The following KSR2 variants were observed in gnomAD, a reference collection of about 807,000 sequenced individuals.
KSR2 encodes the protein kinase suppressor of ras 2.
KSR2 carries 25 observed loss-of-function variants against 107.8 expected under a neutral mutation model. That is an observed-to-expected ratio of 0.23 (90% CI 0.17 to 0.32). The LOEUF is 0.32. Among genes scored for constraint, KSR2 ranks in the 10% least tolerant of loss-of-function variants. The pLI, the probability that KSR2 is intolerant of heterozygous loss-of-function variation, is 1.00. For synonymous variants in KSR2, 480 were observed against 507.0 expected, an observed-to-expected ratio of 0.95 and a Z score of 0.71; for missense variants, 887 against 1,268.9, an observed-to-expected ratio of 0.70 and a Z score of 4.57.
rs137966968 is a variant in KSR2, at chr12:117,861,176, G to A, written c.181-745C>T. Among the ~76,000 whole-genome samples the A allele has an allele frequency of 5.5e-4, 83 of 152,168 alleles. No homozygotes were observed. The East Asian group carries it at 0.015, about 28-fold the overall frequency. On this transcript the variant is annotated intron_variant, in intron 1 of 19. Transcript: ENST00000339824. ...CTGAGAGTCCATCAGTAGGAGACTCGTTACATAAAGGATGCTACAGCCAAC... is the reference window on the plus strand; with the variant it reads ...CTGAGAGTCCATCAGTAGGAGACTCATTACATAAAGGATGCTACAGCCAAC...
At chr12:117,520,916 TA>T (rs1874718416) in intron 14 of KSR2, among the ~76,000 whole-genome samples, 1 of 152,012 alleles carries the variant, frequency 6.6e-6, no homozygotes, top group South Asian at 2.1e-4. Flanking sequence ...ATCTAGTGAG[TA>T]GAGGCCAGGG....
intron 3 of KSR2, among the ~76,000 whole-genome samples, chr12:117,785,350 G>A (rs1474289631): frequency 7.1e-6 from 1 of 141,758 alleles, no homozygotes; most frequent in Non-Finnish European, 1.5e-5. Flanking sequence ...GGGAGGTGAA[G>A]GTTGCAGTGA....
intron 1 of KSR2, among the ~76,000 whole-genome samples, chr12:117,957,613 G>T (rs1364509780): frequency 2.0e-5 from 3 of 152,164 alleles, no homozygotes; most frequent in Non-Finnish European, 2.9e-5. Flanking sequence ...TTCTCTGGGG[G>T]TGGAAAGACT....
At position 117,488,289 on chromosome 12, in the gene KSR2, C is replaced by T. The variant is rs191210998; in HGVS notation, c.2220-2598G>A. On this transcript the variant is annotated intron_variant, in intron 14 of 19. Transcript: ENST00000339824. ...CGGACTAATACAAATCCACAACCAG[C>T]GATTCTTCCTCTAAGTAAGTACCCA... Among the ~76,000 whole-genome samples, 69 of 152,284 alleles carry T rather than the reference C, an allele frequency of 4.5e-4. 2 individuals carry two copies. In the South Asian group the frequency reaches 9.7e-3, roughly 21 times the overall value.
intron 5 of KSR2, among the ~76,000 whole-genome samples, chr12:117,616,274 A>G (rs1593055011): frequency 1.3e-5 from 2 of 152,212 alleles, no homozygotes; most frequent in South Asian, 4.1e-4. Flanking sequence ...TTGGAAAAAA[A>G]GAGAAGAAAA....
chr12:117,673,886 G>T lies in KSR2; in HGVS notation c.987-6228C>A, dbSNP rs575652424. ...CAGAGAAAATCAACAAAATTAGGTG[G>T]CACAAAACATTAGAAAGGGAAGCCA... On this transcript the variant is annotated intron_variant, in intron 4 of 19. Coordinates refer to ENST00000339824, the MANE Select transcript of KSR2 (RefSeq NM_173598.6). Among the ~76,000 whole-genome samples the T allele has an allele frequency of 1.8e-4, 27 of 152,268 alleles. No homozygotes were observed. In the South Asian group the frequency reaches 5.6e-3, roughly 32 times the overall value.
chr12:117,847,119 A>C (rs900160158), intron 3 of KSR2, among the ~76,000 whole-genome samples: 39 of 152,354 alleles, frequency 2.6e-4, no homozygotes, highest in African/African-American at 9.4e-4. Flanking sequence ...GAAAGACATC[A>C]GTGTCAACAC....
chr12:117,590,448 A>G (rs1363614967), intron 5 of KSR2, among the ~76,000 whole-genome samples: 1 of 152,202 alleles, frequency 6.6e-6, no homozygotes, highest in Non-Finnish European at 1.5e-5. Context: ...GGTTTCTCCT[A>G]TAAAAAAAGT....
intron 3 of KSR2, among the ~76,000 whole-genome samples, chr12:117,809,577 T>C (rs1490025909): frequency 1.3e-5 from 2 of 152,210 alleles, no homozygotes; most frequent in African/African-American, 2.4e-5. Flanking sequence ...CCCCCTTGCC[T>C]CATCAACATC....
chr12:117,554,016 A>AT (rs1877492731), intron 9 of KSR2, among the ~76,000 whole-genome samples: 1 of 152,056 alleles, frequency 6.6e-6, no homozygotes, highest in South Asian at 2.1e-4. Context: ...CCAAATAAAC[A>AT]TTTTTCTTTA....
chr12:117,902,196 C>T (rs190696432), intron 1 of KSR2, among the ~76,000 whole-genome samples: 66 of 152,296 alleles, frequency 4.3e-4, no homozygotes, highest in Admixed American at 9.8e-4. Flanking sequence ...TGGTGGCTCA[C>T]ACCTGTAATC....
chr12:117,723,279 C>T (rs747107156), intron 4 of KSR2, among the ~76,000 whole-genome samples: 1 of 151,118 alleles, frequency 6.6e-6, no homozygotes, highest in Non-Finnish European at 1.5e-5. Context: ...AGACATTCCA[C>T]GTATCTTAAT....
chr12:117,896,972 C>T (rs964756854), intron 1 of KSR2, among the ~76,000 whole-genome samples: 13 of 152,112 alleles, frequency 8.5e-5, no homozygotes, highest in South Asian at 8.3e-4. Flanking sequence ...CCAGTGTTCA[C>T]ACTGGAAAAG....
intron 4 of KSR2, among the ~76,000 whole-genome samples, chr12:117,709,903 C>A (rs1489317687): frequency 6.6e-6 from 1 of 152,134 alleles, no homozygotes; most frequent in Non-Finnish European, 1.5e-5. Context: ...GCAAAATCAC[C>A]AAGATTGAGA....
chr12:117,664,150 C>T (rs1375382621), intron 5 of KSR2, among the ~76,000 whole-genome samples: 2 of 152,190 alleles, frequency 1.3e-5, no homozygotes, highest in Non-Finnish European at 2.9e-5. Context: ...CCCCTCCCTC[C>T]CTTTCCCCAC....
At chr12:117,524,359 T>C (rs140117868) in intron 14 of KSR2, among the ~76,000 whole-genome samples, 261 of 152,306 alleles carry the variant, frequency 1.7e-3, no homozygotes, top group African/African-American at 6.0e-3. Context: ...CTAAAGAGTT[T>C]TAGCATTAAA....
At chr12:117,514,546 T>TC (rs1565879433) in intron 14 of KSR2, among the ~76,000 whole-genome samples, 91 of 94,100 alleles carry the variant, frequency 9.7e-4, no homozygotes, top group East Asian at 2.3e-3. Context: ...CTCTCTCTCT[T>TC]TTTTTTTTTT....
chr12:117,778,126 A>AC (rs1299377420), intron 3 of KSR2, among the ~76,000 whole-genome samples: 1 of 152,118 alleles, frequency 6.6e-6, no homozygotes, highest in Non-Finnish European at 1.5e-5. Flanking sequence ...ATTCTTCTTT[A>AC]CTTTTTTTGA....
In KSR2 at chr12:117,582,281, C is replaced by G. The variant is rs951763272; in HGVS notation, c.1241+9G>C. 1 of 1,612,462 alleles carries G rather than the reference C, an allele frequency of 6.2e-7. No homozygotes were observed. The highest frequency in any genetic ancestry group is 8.5e-7 in the Non-Finnish European group (1 of 1,178,568). On this transcript the variant is annotated intron_variant, in intron 6 of 19. Transcript: ENST00000339824. ...AGTAGGCACCAGTGCACACAGGAAT[C>G]CAGCCTACCTGTGCTTGATGGAGTT... is the stretch of plus-strand genomic sequence containing the variant.
Sources: gnomAD v4.1 joint callset for allele counts (sites outside exome capture counted in the v4.1 genomes callset) on GRCh38, gnomAD v4.1.1 for gene constraint, MANE v1.5 for transcripts, NCBI Gene and HGNC (gene_info 2026-07-23, HGNC 2026-07-21) for gene names.